CACNA1C: variants seen among roughly 807,000 people sequenced by gnomAD.
CACNA1C encodes calcium voltage-gated channel subunit alpha1 C, also known as voltage-dependent L-type calcium channel subunit alpha-1C.
A neutral mutation model predicts 229.0 loss-of-function variants in CACNA1C; 30 were observed. That is an observed-to-expected ratio of 0.13 (90% CI 0.10 to 0.18). The LOEUF is 0.18. Ranked by LOEUF, CACNA1C falls within the 10% of genes least tolerant of loss-of-function variation. The probability of loss-of-function intolerance (pLI) is 1.00; values close to 1 mark genes in which losing one functional copy is unlikely to be tolerated. For missense variants in CACNA1C, 1,658 were observed against 2,845.0 expected (o/e 0.58, Z 9.49); for synonymous variants, 1,114 against 1,132.5 (o/e 0.98, Z 0.33).
At chr12:2,636,634 G>A (rs2092745958) in intron 30 of CACNA1C, among the ~76,000 whole-genome samples, 1 of 152,186 alleles carries the variant, frequency 6.6e-6, no homozygotes, top group Admixed American at 6.5e-5. Context: ...CTCAGAGTCA[G>A]CCTAGCCCTC....
At chr12:2,420,191 A>G (rs1257790978) in intron 3 of CACNA1C, among the ~76,000 whole-genome samples, 5 of 149,266 alleles carry the variant, frequency 3.3e-5, no homozygotes, top group African/African-American at 1.2e-4. Context: ...CCAGATAATA[A>G]AGAGCTACAG....
intron 3 of CACNA1C, among the ~76,000 whole-genome samples, chr12:2,357,200 T>A (rs2239054): frequency 0.036 from 5,524 of 152,332 alleles, 162 homozygotes; most frequent in East Asian, 0.13. Flanking sequence ...CAGAACAACC[T>A]GCTGTTCCCC....
chr12:2,350,444 C>T (rs1416114717), intron 3 of CACNA1C, among the ~76,000 whole-genome samples: 1 of 152,164 alleles, frequency 6.6e-6, no homozygotes, highest in East Asian at 1.9e-4. Flanking sequence ...AGTGATGTTG[C>T]TTTGATTTCA....
chr12:2,196,908 G>C (rs1355904124), intron 3 of CACNA1C, among the ~76,000 whole-genome samples: 2 of 152,214 alleles, frequency 1.3e-5, no homozygotes, highest in Admixed American at 1.3e-4. Flanking sequence ...CAAGGGTCCA[G>C]AGTTGTTAGG....
chr12:2,421,655 G>T (rs2098980389), intron 3 of CACNA1C, among the ~76,000 whole-genome samples: 1 of 152,198 alleles, frequency 6.6e-6, no homozygotes, highest in Admixed American at 6.5e-5. Context: ...GCTCACACCT[G>T]TAATCCCAGC....
chr12:2,435,280 C>T (rs2099123535), intron 3 of CACNA1C, among the ~76,000 whole-genome samples: 2 of 152,242 alleles, frequency 1.3e-5, no homozygotes, highest in South Asian at 4.1e-4. Flanking sequence ...TTCTCCAAAT[C>T]CTTAAACTGC....
intron 5 of CACNA1C, among the ~76,000 whole-genome samples, chr12:2,458,078 G>A (rs1246107078): frequency 1.3e-5 from 2 of 152,208 alleles, no homozygotes; most frequent in Non-Finnish European, 2.9e-5. Context: ...TTTAGCCAAT[G>A]AGATTATCTC....
At chr12:2,607,676 C>T (rs1207706626) in intron 26 of CACNA1C, among the ~76,000 whole-genome samples, 1 of 152,260 alleles carries the variant, frequency 6.6e-6, no homozygotes, top group Non-Finnish European at 1.5e-5. Flanking sequence ...CGTAGAGCAG[C>T]CCGTGGGCCT....
In CACNA1C at chr12:2,246,471, G is replaced by A. The variant is rs751845340; in HGVS notation, c.477+126041G>A. ...TGAGCCATGCCTCCCTGCCTGAAAC[G>A]TGTTTCTGAGTAATAGCAGCTAACA... On this transcript the variant is annotated intron_variant, in intron 3 of 46. Coordinates refer to ENST00000399655, the MANE Select transcript of CACNA1C (RefSeq NM_000719.7). Among the ~76,000 whole-genome samples, 8 of 152,278 alleles carry A rather than the reference G, an allele frequency of 5.3e-5. No homozygotes were observed. The South Asian group carries it at 8.3e-4, about 16-fold the overall frequency.
intron 3 of CACNA1C, among the ~76,000 whole-genome samples, chr12:2,429,468 G>A (rs2154558003): frequency 6.6e-6 from 1 of 152,248 alleles, no homozygotes; most frequent in South Asian, 2.1e-4. Flanking sequence ...CACTGGGGTT[G>A]GAGTCAGAAA....
intron 1 of CACNA1C, among the ~76,000 whole-genome samples, chr12:2,002,702 A>T (rs1240452391): frequency 6.6e-6 from 1 of 152,200 alleles, no homozygotes; most frequent in Non-Finnish European, 1.5e-5. Context: ...CAACTTACAG[A>T]ACTATACATC....
intron 1 of CACNA1C, among the ~76,000 whole-genome samples, chr12:2,010,323 T>G (rs2044184288): frequency 6.6e-6 from 1 of 151,888 alleles, no homozygotes; most frequent in Non-Finnish European, 1.5e-5. Context: ...AACAATTGTT[T>G]GAGAGCCAGA....
chr12:2,179,151 T>G (rs1223817066), intron 3 of CACNA1C, among the ~76,000 whole-genome samples: 1 of 152,238 alleles, frequency 6.6e-6, no homozygotes, highest in East Asian at 1.9e-4. Flanking sequence ...AGTTATTTAA[T>G]GGATAAACAG....
rs11837622 is a variant in CACNA1C, at chr12:2,346,760, A to C, written c.478-102216A>C. Among the ~76,000 whole-genome samples the C allele has an allele frequency of 0.11, 16,201 of 152,232 alleles. 2,860 individuals are homozygous for C. The highest frequency in any genetic ancestry group is 0.36 in the African/African-American group (15,131 of 41,488). Reference sequence around the variant, plus strand: ...AGTCAAACGTGACTTGGACATTAAAACTTGATTTTGCATCCAGCTCATGAT... The same window carrying C: ...AGTCAAACGTGACTTGGACATTAAACCTTGATTTTGCATCCAGCTCATGAT... On this transcript the variant is annotated intron_variant, in intron 3 of 46. Coordinates refer to ENST00000399655, the MANE Select transcript of CACNA1C (RefSeq NM_000719.7). The surrounding 1 kb of genome is among the most constrained non-coding windows in gnomAD (Gnocchi z 4.4).
chr12:2,589,843 A>G (rs779954855), intron 18 of CACNA1C, among the ~76,000 whole-genome samples: 19 of 152,316 alleles, frequency 1.2e-4, no homozygotes, highest in East Asian at 1.9e-4. Context: ...CTTGGGGTAC[A>G]TTTTGCAGGT....
chr12:2,444,000 G>A (rs1036764456), intron 3 of CACNA1C, among the ~76,000 whole-genome samples: 3 of 152,140 alleles, frequency 2.0e-5, no homozygotes, highest in Admixed American at 6.5e-5. Context: ...CACAGTGACC[G>A]TGTCCCAGAC....
In CACNA1C at chr12:2,504,387, T is replaced by A. The variant is rs183482807; in HGVS notation, c.1114-455T>A. The stretch of plus-strand genomic sequence containing the variant: ...TCACACCTGCTGCCTGCCTCTTTGC[T>A]GTAACCCAATTCTGCTTCTTCTTTC... On this transcript the variant is annotated intron_variant, in intron 7 of 46. Coordinates refer to ENST00000399655, the MANE Select transcript of CACNA1C (RefSeq NM_000719.7). This position sits in a 1 kb window ranked among gnomAD's most constrained non-coding sequence, Gnocchi z 6.8. 2.0e-5 allele frequency: 22 copies of A among 1,092,608 alleles called. No individual in the cohort carries two copies. The East Asian group carries it at 4.9e-4, about 25-fold the overall frequency. The allele number at this position is 1,092,608 out of a possible 1,614,324, so 67.7% of individuals were successfully genotyped here.
At chr12:2,028,782 G>A (rs1213933160) in intron 1 of CACNA1C, among the ~76,000 whole-genome samples, 1 of 138,166 alleles carries the variant, frequency 7.2e-6, no homozygotes, top group Non-Finnish European at 1.6e-5. Flanking sequence ...CTGTTTTCTC[G>A]ATTGTAAAAG....
At chr12:2,273,536 A>G (rs1353854372) in intron 3 of CACNA1C, among the ~76,000 whole-genome samples, 1 of 152,192 alleles carries the variant, frequency 6.6e-6, no homozygotes, top group Admixed American at 6.5e-5. Flanking sequence ...GACCAGCAGG[A>G]CGGCCAGAAC....
Sources: allele counts gnomAD v4.1 joint callset (sites outside exome capture counted in the v4.1 genomes callset), GRCh38; gene constraint gnomAD v4.1.1; non-coding constraint Gnocchi (gnomAD v3.1); transcripts MANE v1.5; gene names NCBI Gene and HGNC (gene_info 2026-07-23, HGNC 2026-07-21).